The following SLC39A12 variants were observed in gnomAD, a reference collection of about 807,000 sequenced individuals.
SLC39A12 encodes the protein solute carrier family 39 member 12, also known as zinc transporter ZIP12.
SLC39A12 carries 63 observed loss-of-function variants against 71.1 expected under a neutral mutation model. That is an observed-to-expected ratio of 0.89 (90% CI 0.72 to 1.09). The LOEUF is 1.09. Among genes scored for constraint, SLC39A12 ranks in the 50% least tolerant of loss-of-function variants. The pLI is 0.00. For synonymous variants in SLC39A12, 351 were observed against 301.3 expected (o/e 1.16, Z -1.71); for missense variants, 892 against 812.6 (o/e 1.10, Z -1.19).
intron 2 of SLC39A12, among the ~76,000 whole-genome samples, chr10:17,956,469 G>T (rs540173148): frequency 3.9e-5 from 6 of 152,152 alleles, no homozygotes; most frequent in Non-Finnish European, 8.8e-5. Context: ...GGACATACAT[G>T]TTCTCCTTAG....
rs534189088 is a variant in SLC39A12 at position 17,959,148 on chromosome 10, C to A, written c.262-2433C>A. Among the ~76,000 whole-genome samples the A allele has an allele frequency of 3.3e-5, 5 of 151,876 alleles. No individual in the cohort carries two copies. The South Asian group carries it at 1.0e-3, about 32-fold the overall frequency. On this transcript the variant is annotated intron_variant, in intron 2 of 12. Coordinates refer to ENST00000377369, the MANE Select transcript of SLC39A12 (RefSeq NM_001145195.2). Reference sequence around the variant, plus strand: ...ACTTTTTATAAAAGTGTAAGTTTTTCATTACACTTTTATTTCAATGGATTC... The same window carrying A: ...ACTTTTTATAAAAGTGTAAGTTTTTAATTACACTTTTATTTCAATGGATTC...
chr10:17,959,510 C>T (rs1487412799), intron 2 of SLC39A12, among the ~76,000 whole-genome samples: 4 of 152,012 alleles, frequency 2.6e-5, no homozygotes, highest in Non-Finnish European at 5.9e-5. Flanking sequence ...ATTAGAACCC[C>T]CAAAACTTCC....
At chr10:18,029,524 C>T (rs965540480) in intron 12 of SLC39A12, among the ~76,000 whole-genome samples, 2 of 152,216 alleles carry the variant, frequency 1.3e-5, no homozygotes, top group African/African-American at 4.8e-5. Flanking sequence ...TTCAAGGTTT[C>T]CAAGTTTCTG....
chr10:17,992,386 C>A (rs1455321980), intron 8 of SLC39A12, among the ~76,000 whole-genome samples: 1 of 152,180 alleles, frequency 6.6e-6, no homozygotes, highest in East Asian at 1.9e-4. Flanking sequence ...GACTACAAGT[C>A]AACTTCTGTA....
chr10:18,004,730 C>A (rs1196139207), intron 12 of SLC39A12, among the ~76,000 whole-genome samples: 1 of 151,980 alleles, frequency 6.6e-6, no homozygotes, highest in Non-Finnish European at 1.5e-5. Context: ...ACCCAGCAAT[C>A]CCATTGCTGT....
chr10:17,973,454 C>G (rs981960170), intron 4 of SLC39A12, among the ~76,000 whole-genome samples: 1 of 152,120 alleles, frequency 6.6e-6, no homozygotes, highest in African/African-American at 2.4e-5. Flanking sequence ...TTTTGCTTGT[C>G]TAGGAAAATC....
chr10:17,991,041 C>A, intron 7 of SLC39A12, 110 bp from the exon 8 acceptor site: 2 of 1,127,198 alleles, frequency 1.8e-6, no homozygotes, highest in South Asian at 2.1e-5. Context: ...CGGCATTTCC[C>A]AGAATGAAAA....
chr10:17,961,541 G>T, intron 2 of SLC39A12, 40 bp from the exon 3 acceptor site: 2 of 1,567,482 alleles, frequency 1.3e-6, no homozygotes. Flanking sequence ...ATTTTGCTAA[G>T]CTTTGTTTCT....
intron 4 of SLC39A12, among the ~76,000 whole-genome samples, chr10:17,966,257 T>C (rs1165521638): frequency 1.3e-5 from 2 of 152,200 alleles, no homozygotes; most frequent in Non-Finnish European, 2.9e-5. Flanking sequence ...ACATTAAAAA[T>C]GAAATGACTA....
intron 9 of SLC39A12, 69 bp from the exon 10 acceptor site, chr10:17,995,587 A>G (rs1348773692): frequency 1.4e-6 from 2 of 1,408,102 alleles, no homozygotes; most frequent in African/African-American, 2.9e-5. Context: ...AACTCTCCAG[A>G]TGTTTCATTT....
intron 4 of SLC39A12, among the ~76,000 whole-genome samples, chr10:17,972,469 G>A (rs1289374956): frequency 6.6e-6 from 1 of 152,116 alleles, no homozygotes; most frequent in Non-Finnish European, 1.5e-5. Flanking sequence ...TGTGGCTTAT[G>A]TCTCTCTGTA....
chr10:18,018,862 T>C (rs1030735096), intron 12 of SLC39A12, among the ~76,000 whole-genome samples: 1 of 152,168 alleles, frequency 6.6e-6, no homozygotes, highest in Non-Finnish European at 1.5e-5. Flanking sequence ...TTGTTTGTAA[T>C]GTCTTTGCCT....
At chr10:17,995,610 A>G in intron 9 of SLC39A12, 46 bp from the exon 10 acceptor site, 1 of 1,538,054 alleles carries the variant, frequency 6.5e-7, no homozygotes, top group Non-Finnish European at 8.9e-7. Context: ...CAACAAAATG[A>G]TGGCCATTAC....
intron 4 of SLC39A12, among the ~76,000 whole-genome samples, chr10:17,966,741 G>A (rs879472699): frequency 2.0e-5 from 3 of 152,004 alleles, no homozygotes; most frequent in South Asian, 2.1e-4. Flanking sequence ...AGGCTGAGGC[G>A]GGTGGATCAC....
At chr10:18,009,426 G>A (rs1449079803) in intron 12 of SLC39A12, among the ~76,000 whole-genome samples, 2 of 152,038 alleles carry the variant, frequency 1.3e-5, no homozygotes, top group African/African-American at 4.8e-5. Context: ...CAAATGAATT[G>A]GAATAGGGGA....
chr10:17,969,191 T>C (rs888539925), intron 4 of SLC39A12, among the ~76,000 whole-genome samples: 3 of 152,228 alleles, frequency 2.0e-5, no homozygotes, highest in African/African-American at 2.4e-5. Flanking sequence ...CATTCATCCA[T>C]TGATAGACAC....
intron 12 of SLC39A12, chr10:18,008,793 T>G (rs1836113225): frequency 6.6e-6 from 1 of 152,200 alleles, no homozygotes; most frequent in Non-Finnish European, 1.5e-5. Context: ...TCGCCATTAT[T>G]TCCTTCCTTC....
rs1837299615 is a variant in SLC39A12, at chr10:18,042,900, CTA to C, written c.*70_*71del. ...CTTACTTTGTTTCTTTCATTGCACT[CTA>C]TAATGATTTTTAAATTAAGAATTTT... On this transcript the variant is annotated 3_prime_UTR_variant, in exon 13 of 13. Transcript: ENST00000377369. 1 of 1,325,280 alleles carries C rather than the reference CTA, an allele frequency of 7.5e-7. No individual in the cohort carries two copies. The highest frequency in any genetic ancestry group is 2.6e-5 in the East Asian group (1 of 37,982). 82.1% of individuals were successfully genotyped at this position (1,325,280 alleles called of 1,614,324 possible). A position where few individuals can be genotyped will look rare whatever the true frequency, so the allele number is the denominator to read the frequency against.
At chr10:17,993,089 C>T in intron 8 of SLC39A12, 92 bp from the exon 9 acceptor site, 1 of 820,540 alleles carries the variant, frequency 1.2e-6, no homozygotes. Context: ...ACCATTTTGG[C>T]CAATAGGCAA....
Sources: gnomAD v4.1 joint callset for allele counts (sites outside exome capture counted in the v4.1 genomes callset) on GRCh38, gnomAD v4.1.1 for gene constraint, MANE v1.5 for transcripts, NCBI Gene and HGNC (gene_info 2026-07-23, HGNC 2026-07-21) for gene names.